Variants in ALK observed in about 807,000 individuals in gnomAD.
ALK encodes ALK tyrosine kinase receptor.
In ALK, 74 loss-of-function variants were observed where a neutral mutation model predicts 163.1. The observed-to-expected ratio is 0.45, with a 90% CI of 0.38 to 0.55. The LOEUF (loss-of-function observed/expected upper bound fraction) is 0.55. ALK is among the 20% of genes least tolerant of loss of function. ALK has a pLI of 0.00. For synonymous variants in ALK, 960 were observed against 843.2 expected, an observed-to-expected ratio of 1.14 and a Z score of -2.40; for missense variants, 2,063 against 2,105.3, an observed-to-expected ratio of 0.98 and a Z score of 0.39.
intron 5 of ALK, among the ~76,000 whole-genome samples, chr2:29,372,749 G>A (rs1245584894): frequency 6.6e-6 from 1 of 152,160 alleles, no homozygotes; most frequent in Admixed American, 6.5e-5. Context: ...CCATGATGCT[G>A]TATCCCTTGC....
intron 5 of ALK, among the ~76,000 whole-genome samples, chr2:29,346,067 G>A (rs1335852096): frequency 6.6e-6 from 1 of 152,144 alleles, no homozygotes; most frequent in African/African-American, 2.4e-5. Context: ...ATCAAAAAAA[G>A]GAAGTAAATT....
intron 4 of ALK, among the ~76,000 whole-genome samples, chr2:29,497,869 C>T (rs1672070745): frequency 6.6e-6 from 1 of 152,104 alleles, no homozygotes; most frequent in South Asian, 2.1e-4. Flanking sequence ...TTATTGCTCT[C>T]CTGGTCCAAA....
intron 25 of ALK, 64 bp from the exon 26 acceptor site, chr2:29,207,336 G>A (rs2148152450): frequency 7.6e-7 from 1 of 1,310,674 alleles, no homozygotes; most frequent in South Asian, 1.2e-5. Context: ...CTGCCCTGCT[G>A]GGAAAGTTGA....
intron 3 of ALK, among the ~76,000 whole-genome samples, chr2:29,535,259 C>G (rs1252985405): frequency 1.3e-5 from 2 of 152,194 alleles, no homozygotes; most frequent in Non-Finnish European, 2.9e-5. Flanking sequence ...CATACAGCGC[C>G]ACAACCATGT....
intron 1 of ALK, among the ~76,000 whole-genome samples, chr2:29,789,926 G>C (rs114503637): frequency 0.041 from 6,212 of 152,256 alleles, 445 homozygotes; most frequent in African/African-American, 0.14. Context: ...GAGGATGTCA[G>C]ACCAGGTAAT....
intron 3 of ALK, among the ~76,000 whole-genome samples, chr2:29,572,486 G>T (rs1346135540): frequency 6.6e-6 from 1 of 152,142 alleles, no homozygotes; most frequent in East Asian, 1.9e-4. Context: ...GTGCCATGGC[G>T]ACTTGTCACT....
chr2:29,399,473 G>T (rs1490545230), intron 4 of ALK, among the ~76,000 whole-genome samples: 1 of 152,240 alleles, frequency 6.6e-6, no homozygotes, highest in South Asian at 2.1e-4. Context: ...GAGGGTGCCC[G>T]TGTCTCCTTT....
At chr2:29,708,304 G>C (rs568799552) in intron 2 of ALK, among the ~76,000 whole-genome samples, 17 of 152,208 alleles carry the variant, frequency 1.1e-4, no homozygotes, top group African/African-American at 4.1e-4. Context: ...CCTGATCTCA[G>C]GTAATCCACC....
intron 1 of ALK, among the ~76,000 whole-genome samples, chr2:29,913,585 C>T (rs754871801): frequency 5.3e-5 from 8 of 152,158 alleles, no homozygotes; most frequent in Non-Finnish European, 1.0e-4. Context: ...CACCCACACG[C>T]CTTATTTTTT....
At chr2:29,283,780 T>C (rs867629651) in intron 9 of ALK, among the ~76,000 whole-genome samples, 18 of 152,182 alleles carry the variant, frequency 1.2e-4, no homozygotes, top group African/African-American at 3.6e-4. Context: ...GCTAATTTAT[T>C]GCTCCTGTTT....
chr2:29,275,055 C>A lies in ALK; in HGVS notation c.2041+44G>T, dbSNP rs149039367. 3,300 of 1,613,144 alleles carry A rather than the reference C, an allele frequency of 2.0e-3. 56 individuals are homozygous for A. In the Admixed American group the frequency reaches 0.036, roughly 18 times the overall value. ...GCACCAATCTTTCTTCTGCCTTTTG[C>A]AACAAGAAGTTACTGTGCTCACATT... is the stretch of plus-strand genomic sequence containing the variant. On this transcript the variant is annotated intron_variant, in intron 11 of 28. Coordinates refer to ENST00000389048, the MANE Select transcript of ALK (RefSeq NM_004304.5).
chr2:29,744,762 T>C (rs1416693583), intron 1 of ALK, among the ~76,000 whole-genome samples: 2 of 152,094 alleles, frequency 1.3e-5, no homozygotes, highest in Admixed American at 1.3e-4. Context: ...GTAAGAGGCC[T>C]TTCCATGTGG....
intron 4 of ALK, among the ~76,000 whole-genome samples, chr2:29,452,737 C>A (rs1257855806): frequency 6.6e-6 from 1 of 152,200 alleles, no homozygotes; most frequent in African/African-American, 2.4e-5. Flanking sequence ...TAACCGACGA[C>A]TAACATCACC....
chr2:29,750,395 G>A (rs1283758199), intron 1 of ALK, among the ~76,000 whole-genome samples: 1 of 152,082 alleles, frequency 6.6e-6, no homozygotes, highest in Non-Finnish European at 1.5e-5. Flanking sequence ...GGGCAGAGTG[G>A]CTCATGCTTA....
intron 23 of ALK, among the ~76,000 whole-genome samples, chr2:29,218,488 G>GTTCT (rs1017545808): frequency 2.0e-5 from 3 of 152,164 alleles, no homozygotes; most frequent in Admixed American, 6.5e-5. Flanking sequence ...GCTGGACTAT[G>GTTCT]TTCTTTGTAA....
chr2:29,709,383 T>C (rs1351625914), intron 2 of ALK, among the ~76,000 whole-genome samples: 1 of 152,098 alleles, frequency 6.6e-6, no homozygotes, highest in Non-Finnish European at 1.5e-5. Context: ...AGGCTGTAGG[T>C]TGGGAATTGG....
rs145029438 is a variant in ALK, at chr2:29,517,896, C to T, written c.1154+14019G>A. 3.4e-3 allele frequency among the ~76,000 whole-genome samples: 516 copies of T among 152,260 alleles called. 4 individuals are homozygous for T. Among genetic ancestry groups the T allele is most frequent in the African/African-American group, 0.012 (496 of 41,548 alleles). ...TGTGACAGACAGAGAAGGAGAACCT[C>T]GCCTCCCCTTCATCTCCTCCTTCAC... On this transcript the variant is annotated intron_variant, in intron 4 of 28. Transcript: ENST00000389048.
At chr2:29,828,226 C>A (rs1665255370) in intron 1 of ALK, among the ~76,000 whole-genome samples, 1 of 152,088 alleles carries the variant, frequency 6.6e-6, no homozygotes, top group African/African-American at 2.4e-5. Flanking sequence ...AGAAGAAAAC[C>A]TAGGCAATAC....
intron 4 of ALK, among the ~76,000 whole-genome samples, chr2:29,443,981 C>A (rs1274975312): frequency 6.6e-6 from 1 of 152,196 alleles, no homozygotes; most frequent in Admixed American, 6.5e-5. Flanking sequence ...TACCAGATTG[C>A]TCTTGTTACG....
Sources: gnomAD v4.1 joint callset for allele counts (sites outside exome capture counted in the v4.1 genomes callset) on GRCh38, gnomAD v4.1.1 for gene constraint, MANE v1.5 for transcripts, NCBI Gene and HGNC (gene_info 2026-07-23, HGNC 2026-07-21) for gene names.